Variants in RABGAP1L observed in about 807,000 individuals in gnomAD.
RABGAP1L encodes the protein rab GTPase-activating protein 1-like.
In RABGAP1L, 63 loss-of-function variants were observed where a neutral mutation model predicts 137.7. The observed-to-expected ratio is 0.46, with a 90% CI of 0.37 to 0.56. The LOEUF is 0.56. RABGAP1L is among the 20% of genes least tolerant of loss of function. The pLI, the probability that RABGAP1L is intolerant of heterozygous loss-of-function variation, is 0.00. For synonymous variants in RABGAP1L, 431 were observed against 433.7 expected (o/e 0.99, Z 0.08); for missense variants, 1,095 against 1,244.0 (o/e 0.88, Z 1.80).
chr1:174,347,764 GATT>G (rs1682584373), intron 11 of RABGAP1L, among the ~76,000 whole-genome samples: 1 of 152,222 alleles, frequency 6.6e-6, no homozygotes, highest in Non-Finnish European at 1.5e-5. Context: ...AGAGTGCTAG[GATT>G]ACAGGCGTGA....
chr1:174,583,872 T>C (rs1668923337), intron 13 of RABGAP1L, among the ~76,000 whole-genome samples: 1 of 152,188 alleles, frequency 6.6e-6, no homozygotes, highest in South Asian at 2.1e-4. Context: ...TAAAACAATT[T>C]TGAAAATTAG....
intron 23 of RABGAP1L, among the ~76,000 whole-genome samples, chr1:174,981,281 A>G (rs2149386012): frequency 6.6e-6 from 1 of 152,278 alleles, no homozygotes; most frequent in South Asian, 2.1e-4. Context: ...CTTATTTAAA[A>G]GGGTTTAAGG....
chr1:174,539,548 T>C (rs1665185566), intron 13 of RABGAP1L, among the ~76,000 whole-genome samples: 1 of 152,178 alleles, frequency 6.6e-6, no homozygotes, highest in African/African-American at 2.4e-5. Context: ...CGGTGTTTGG[T>C]TTAAAATCCT....
chr1:174,972,667 A>G (rs1326598849), intron 21 of RABGAP1L, among the ~76,000 whole-genome samples: 1 of 152,060 alleles, frequency 6.6e-6, no homozygotes, highest in Non-Finnish European at 1.5e-5. Flanking sequence ...AGCCTGGGGA[A>G]CACGGTGAAA....
intron 7 of RABGAP1L, among the ~76,000 whole-genome samples, chr1:174,252,869 A>G (rs1672826874): frequency 6.6e-6 from 1 of 152,206 alleles, no homozygotes; most frequent in Non-Finnish European, 1.5e-5. Context: ...TACATACAGC[A>G]TAAATACTTT....
intron 13 of RABGAP1L, among the ~76,000 whole-genome samples, chr1:174,469,594 CTT>C (rs1296951408): frequency 6.6e-6 from 1 of 152,114 alleles, no homozygotes; most frequent in African/African-American, 2.4e-5. Flanking sequence ...CTGGAAGTGT[CTT>C]TGCCCTTAGG....
Position 174,285,520 on chromosome 1 carries a change from GT to G in RABGAP1L, c.1323+6754del, listed in dbSNP as rs371710435. ...TAACTTTACTGAATTTGTTCTAACC[GT>G]TTTTTTTTTTTTGGTGGAGTCATCA... On this transcript the variant is annotated intron_variant, in intron 10 of 25. Coordinates refer to ENST00000681986, the MANE Select transcript of RABGAP1L (RefSeq NM_001366446.1). 5.5e-3 allele frequency among the ~76,000 whole-genome samples: 777 copies of G among 140,736 alleles called. 4 individuals are homozygous for G. The highest frequency in any genetic ancestry group is 0.013 in the African/African-American group (510 of 38,658). The allele number at this position is 140,736 out of a possible 152,430, so 92.3% of individuals were successfully genotyped here. A position where few individuals can be genotyped will look rare whatever the true frequency, so the allele number is the denominator to read the frequency against.
At chr1:174,468,369 C>T (rs557216010) in intron 13 of RABGAP1L, among the ~76,000 whole-genome samples, 6 of 152,176 alleles carry the variant, frequency 3.9e-5, no homozygotes, top group East Asian at 3.9e-4. Context: ...GCTTGCAAGA[C>T]GTGTATACAC....
intron 1 of RABGAP1L, among the ~76,000 whole-genome samples, chr1:174,164,545 G>A (rs1457754309): frequency 1.3e-5 from 2 of 152,168 alleles, no homozygotes; most frequent in Non-Finnish European, 1.5e-5. Context: ...GACCAGTTGT[G>A]CATATTTCTT....
intron 13 of RABGAP1L, among the ~76,000 whole-genome samples, chr1:174,589,214 C>CT (rs1470406237): frequency 2.0e-5 from 3 of 152,132 alleles, no homozygotes; most frequent in Non-Finnish European, 2.9e-5. Context: ...ATGTTGAGCA[C>CT]TTTTTTATAT....
intron 14 of RABGAP1L, among the ~76,000 whole-genome samples, chr1:174,672,033 C>T (rs1195404780): frequency 1.3e-5 from 2 of 152,088 alleles, no homozygotes; most frequent in Admixed American, 1.3e-4. Context: ...AGTAAGGAGA[C>T]TGAATCAGTA....
At chr1:174,237,787 C>T (rs1166514270) in intron 4 of RABGAP1L, among the ~76,000 whole-genome samples, 2 of 145,206 alleles carry the variant, frequency 1.4e-5, no homozygotes, top group African/African-American at 2.6e-5. Context: ...TTGTGGCGTT[C>T]TCTGTATTTC....
At chr1:174,430,509 A>G (rs1038770920) in intron 13 of RABGAP1L, among the ~76,000 whole-genome samples, 1 of 152,204 alleles carries the variant, frequency 6.6e-6, no homozygotes, top group African/African-American at 2.4e-5. Context: ...TTGAACGCTA[A>G]TTGCATGAAT....
In RABGAP1L at chr1:174,448,079, C is replaced by A; in HGVS notation, c.1710+53934C>A. ...TGGGCAGGGCATCTGCTTGCTGTAGCCAAGTCTGCAGGTGTCTTTAAATTT... is the reference window on the plus strand; with the variant it reads ...TGGGCAGGGCATCTGCTTGCTGTAGACAAGTCTGCAGGTGTCTTTAAATTT... On this transcript the variant is annotated intron_variant, in intron 13 of 25. Coordinates refer to ENST00000681986, the MANE Select transcript of RABGAP1L (RefSeq NM_001366446.1). The surrounding 1 kb of genome is among the most constrained non-coding windows in gnomAD (Gnocchi z 4.2). The A allele has an allele frequency of 2.5e-6, 4 of 1,578,536 alleles. No homozygotes were observed. Among genetic ancestry groups the A allele is most frequent in the Non-Finnish European group, 3.4e-6 (4 of 1,160,014 alleles).
intron 13 of RABGAP1L, among the ~76,000 whole-genome samples, chr1:174,503,671 A>AAAAAG (rs1374266083): frequency 6.6e-6 from 1 of 150,686 alleles, no homozygotes; most frequent in Admixed American, 6.6e-5. Context: ...AAAAAAAAAA[A>AAAAAG]AAAAGAAATG....
intron 17 of RABGAP1L, among the ~76,000 whole-genome samples, chr1:174,738,918 C>T (rs931607592): frequency 3.3e-5 from 5 of 152,188 alleles, no homozygotes; most frequent in African/African-American, 1.2e-4. Flanking sequence ...AATTAGGTCT[C>T]TTTGCCTTGT....
At chr1:174,378,470 T>C (rs1685777993) in intron 12 of RABGAP1L, among the ~76,000 whole-genome samples, 1 of 151,510 alleles carries the variant, frequency 6.6e-6, no homozygotes, top group Non-Finnish European at 1.5e-5. Flanking sequence ...TTTTTAATGA[T>C]TGCCATTCTG....
chr1:174,222,378 A>C (rs1346578534), intron 3 of RABGAP1L, among the ~76,000 whole-genome samples: 1 of 152,194 alleles, frequency 6.6e-6, no homozygotes, highest in Non-Finnish European at 1.5e-5. Context: ...AAACTGTTAC[A>C]CAATAGGGCT....
chr1:174,276,752 T>G (rs1002028379), intron 9 of RABGAP1L, among the ~76,000 whole-genome samples: 1 of 152,136 alleles, frequency 6.6e-6, no homozygotes, highest in Non-Finnish European at 1.5e-5. Flanking sequence ...ATATTATTTA[T>G]CATGTCTAGT....
Sources: gnomAD v4.1 joint callset for allele counts (sites outside exome capture counted in the v4.1 genomes callset) on GRCh38, gnomAD v4.1.1 for gene constraint, Gnocchi (gnomAD v3.1) non-coding constraint, MANE v1.5 for transcripts, NCBI Gene and HGNC (gene_info 2026-07-23, HGNC 2026-07-21) for gene names.